Variants in PDE6D observed in about 807,000 individuals in gnomAD.
PDE6D encodes the protein phosphodiesterase 6D, also known as retinal rod rhodopsin-sensitive cGMP 3',5'-cyclic phosphodiesterase subunit delta.
A neutral mutation model predicts 21.9 loss-of-function variants in PDE6D; 10 were observed. The ratio of observed to expected loss-of-function variants is 0.46; its 90% CI spans 0.28 to 0.78. The LOEUF is 0.78. Ranked by LOEUF, PDE6D falls within the 30% of genes least tolerant of loss-of-function variation. The pLI is 0.12. For missense variants in PDE6D, 139 were observed against 184.8 expected (o/e 0.75, Z 1.44); for synonymous variants, 59 against 63.5 (o/e 0.93, Z 0.34).
chr2:231,733,595 T>C (rs1450185507), intron 4 of PDE6D, among the ~76,000 whole-genome samples: 2 of 152,112 alleles, frequency 1.3e-5, no homozygotes, highest in Non-Finnish European at 2.9e-5. Flanking sequence ...GGATGTAACT[T>C]AGGCCAATCA....
At chr2:231,752,376 T>A (rs2048846236) in intron 1 of PDE6D, among the ~76,000 whole-genome samples, 1 of 152,216 alleles carries the variant, frequency 6.6e-6, no homozygotes, top group African/African-American at 2.4e-5. Context: ...TATGAAGGCC[T>A]TACAGTTGTT....
At chr2:231,751,105 T>C (rs7606479) in intron 1 of PDE6D, among the ~76,000 whole-genome samples, 334 of 151,412 alleles carry the variant, frequency 2.2e-3, no homozygotes, top group African/African-American at 7.8e-3. Context: ...TTTTATCAGG[T>C]GTTATTCTAT....
intron 1 of PDE6D, among the ~76,000 whole-genome samples, chr2:231,760,545 C>T (rs2048917513): frequency 6.6e-6 from 1 of 152,086 alleles, no homozygotes; most frequent in South Asian, 2.1e-4. Flanking sequence ...CTGCCTGATT[C>T]TAACATCTGT....
Position 231,748,356 on chromosome 2 carries a change from C to T in PDE6D, c.51-9168G>A, listed in dbSNP as rs370401702. Among the ~76,000 whole-genome samples the T allele has an allele frequency of 1.1e-4, 16 of 152,200 alleles. No homozygotes were observed. The South Asian group carries it at 3.1e-3, about 30-fold the overall frequency. ...GCAAAGATACTGGTGGCATTTTGCC[C>T]GTGCCCTAGAGTTTTCTGGAACTTT... On this transcript the variant is annotated intron_variant, in intron 1 of 4. Transcript: ENST00000287600.
chr2:231,778,244 C>A (rs1471782607), intron 1 of PDE6D, among the ~76,000 whole-genome samples: 1 of 152,104 alleles, frequency 6.6e-6, no homozygotes, highest in African/African-American at 2.4e-5. Context: ...CCAACTTGGG[C>A]AACAGACCAA....
At position 231,739,564 on chromosome 2, in the gene PDE6D, T is replaced by C. The variant is rs940730756; in HGVS notation, c.51-376A>G. ...GAAACAACTCATGAAGATCACTCTA[T>C]AGTGAATGCCACAGTCCATAAACTT... On this transcript the variant is annotated intron_variant, in intron 1 of 4. Transcript: ENST00000287600. The surrounding 1 kb of genome is among the most constrained non-coding windows in gnomAD (Gnocchi z 4.2). Among the ~76,000 whole-genome samples the C allele has an allele frequency of 3.3e-5, 5 of 151,544 alleles. No individual in the cohort carries two copies. Among genetic ancestry groups the C allele is most frequent in the African/African-American group, 1.2e-4 (5 of 41,264 alleles).
chr2:231,754,502 G>A (rs919376431), intron 1 of PDE6D, among the ~76,000 whole-genome samples: 3 of 149,644 alleles, frequency 2.0e-5, no homozygotes, highest in Admixed American at 6.7e-5. Context: ...GGTTACAGGC[G>A]CCCACCACCA....
intron 1 of PDE6D, among the ~76,000 whole-genome samples, chr2:231,777,532 A>C (rs1274025563): frequency 6.6e-6 from 1 of 152,162 alleles, no homozygotes; most frequent in Non-Finnish European, 1.5e-5. Flanking sequence ...CAAAAGGGGC[A>C]CATATTTGTA....
intron 1 of PDE6D, among the ~76,000 whole-genome samples, chr2:231,767,168 T>C (rs1050378272): frequency 6.6e-6 from 1 of 152,132 alleles, no homozygotes; most frequent in Non-Finnish European, 1.5e-5. Flanking sequence ...GCTCTGACTT[T>C]TCTGATATCC....
intron 1 of PDE6D, among the ~76,000 whole-genome samples, chr2:231,747,333 C>T (rs544171714): frequency 2.8e-4 from 43 of 152,288 alleles, no homozygotes; most frequent in African/African-American, 9.6e-4. Context: ...TCAGGTGATC[C>T]GCCTGCCTCG....
chr2:231,763,946 A>G (rs2048951211), intron 1 of PDE6D, among the ~76,000 whole-genome samples: 1 of 151,222 alleles, frequency 6.6e-6, no homozygotes, highest in Non-Finnish European at 1.5e-5. Flanking sequence ...GCTTTATGTT[A>G]TTTTTCTAAT....
chr2:231,764,001 T>C (rs1364891823), intron 1 of PDE6D, among the ~76,000 whole-genome samples: 1 of 152,110 alleles, frequency 6.6e-6, no homozygotes. Flanking sequence ...CTATGAAGGA[T>C]TAGAAGTAAA....
chr2:231,763,524 C>T (rs2048947888), intron 1 of PDE6D, among the ~76,000 whole-genome samples: 1 of 152,068 alleles, frequency 6.6e-6, no homozygotes, highest in Non-Finnish European at 1.5e-5. Context: ...TGCTACCAGC[C>T]TGTGACATGT....
At chr2:231,770,627 G>C (rs893506351) in intron 1 of PDE6D, among the ~76,000 whole-genome samples, 8 of 152,056 alleles carry the variant, frequency 5.3e-5, no homozygotes, top group African/African-American at 1.7e-4. Context: ...AGACCAGCCT[G>C]GGCAACATGG....
At chr2:231,747,872 C>T (rs2048807072) in intron 1 of PDE6D, among the ~76,000 whole-genome samples, 1 of 152,224 alleles carries the variant, frequency 6.6e-6, no homozygotes, top group South Asian at 2.1e-4. Flanking sequence ...ACTGAGTCCA[C>T]AATGGGTTCT....
intron 1 of PDE6D, among the ~76,000 whole-genome samples, chr2:231,780,690 C>T (rs1487999015): frequency 6.6e-6 from 1 of 152,176 alleles, no homozygotes; most frequent in Non-Finnish European, 1.5e-5. Context: ...CCACCGCGCC[C>T]CCTCAGCCCT....
intron 1 of PDE6D, among the ~76,000 whole-genome samples, chr2:231,752,596 T>C (rs992719352): frequency 6.6e-6 from 1 of 152,112 alleles, no homozygotes; most frequent in African/African-American, 2.4e-5. Context: ...AAAACACAAC[T>C]GAAAGCTTAT....
At chr2:231,760,267 CTT>C (rs1389828791) in intron 1 of PDE6D, among the ~76,000 whole-genome samples, 1 of 152,126 alleles carries the variant, frequency 6.6e-6, no homozygotes, top group Non-Finnish European at 1.5e-5. Flanking sequence ...GTATATGAAA[CTT>C]TGGCAGAAAT....
chr2:231,772,070 C>T (rs983153857), intron 1 of PDE6D, among the ~76,000 whole-genome samples: 14 of 151,916 alleles, frequency 9.2e-5, no homozygotes, highest in African/African-American at 2.9e-4. Flanking sequence ...ATTTCTACCC[C>T]GCAAATCTTG....
Sources: allele counts gnomAD v4.1 joint callset (sites outside exome capture counted in the v4.1 genomes callset), GRCh38; gene constraint gnomAD v4.1.1; non-coding constraint Gnocchi (gnomAD v3.1); transcripts MANE v1.5; gene names NCBI Gene and HGNC (gene_info 2026-07-23, HGNC 2026-07-21).